Variants in CUX1 observed in about 807,000 individuals in gnomAD.
CUX1 encodes cut like homeobox 1, also known as protein CASP.
In CUX1, 31 loss-of-function variants were observed where a neutral mutation model predicts 158.8. The observed-to-expected ratio is 0.20, with a 90% CI of 0.15 to 0.26. The LOEUF (loss-of-function observed/expected upper bound fraction) is 0.26. Among genes scored for constraint, CUX1 ranks in the 10% least tolerant of loss-of-function variants. CUX1 has a pLI of 1.00. For missense variants in CUX1, 1,589 were observed against 2,014.6 expected (o/e 0.79, Z 4.04); for synonymous variants, 879 against 862.1 (o/e 1.02, Z -0.34).
intron 2 of CUX1, among the ~76,000 whole-genome samples, chr7:101,993,756 T>A (rs1432884016): frequency 6.6e-6 from 1 of 152,158 alleles, no homozygotes; most frequent in Non-Finnish European, 1.5e-5. Context: ...GCCTCTTCCA[T>A]CTAATGTCAG....
intron 2 of CUX1, among the ~76,000 whole-genome samples, chr7:102,010,069 T>C (rs1292927044): frequency 6.6e-6 from 1 of 152,068 alleles, no homozygotes; most frequent in African/African-American, 2.4e-5. Context: ...GCGGCCTCCC[T>C]TGCTGCCGGT....
chr7:102,212,649 C>T (rs529135191), intron 20 of CUX1, among the ~76,000 whole-genome samples: 1 of 152,080 alleles, frequency 6.6e-6, no homozygotes, highest in South Asian at 2.1e-4. Flanking sequence ...TCCTGTCACA[C>T]ACCACCCCCA....
At position 102,253,842 on chromosome 7, in the gene CUX1, G is replaced by T; in HGVS notation, c.*4800G>T. On this transcript the variant is annotated 3_prime_UTR_variant, in exon 24 of 24. Coordinates refer to ENST00000292535, the MANE Select transcript of CUX1 (RefSeq NM_181552.4). ...TGGGCTATTTGCTGTGGTACTTTAG[G>T]CTGGAGGTTTGGCTCCTGTGCTGCC... 1 of 985,742 alleles carries T rather than the reference G, an allele frequency of 1.0e-6. No homozygotes were observed. Among genetic ancestry groups the T allele is most frequent in the East Asian group, 1.1e-4 (1 of 8,812 alleles). 61.1% of individuals were successfully genotyped at this position (985,742 alleles called of 1,614,324 possible).
intron 8 of CUX1, among the ~76,000 whole-genome samples, chr7:102,128,378 C>T (rs941749883): frequency 4.6e-5 from 7 of 152,032 alleles, no homozygotes; most frequent in African/African-American, 4.8e-5. Flanking sequence ...GCCCCTCCCT[C>T]GGCCGCAGCA....
intron 22 of CUX1, 23 bp downstream of exon 22, chr7:102,234,263 G>A (rs1799304882): frequency 4.7e-6 from 7 of 1,491,372 alleles, no homozygotes; most frequent in Non-Finnish European, 5.4e-6. Flanking sequence ...GCCCCGCCCG[G>A]GCCGGCTGCG....
At chr7:101,866,695 G>A (rs947210086) in intron 1 of CUX1, among the ~76,000 whole-genome samples, 78 of 152,094 alleles carry the variant, frequency 5.1e-4, no homozygotes, top group African/African-American at 1.8e-3. Context: ...ATCATTCACC[G>A]TTGAGACAAT....
chr7:102,178,939 A>T (rs1190671880), intron 11 of CUX1, among the ~76,000 whole-genome samples: 2 of 152,208 alleles, frequency 1.3e-5, no homozygotes, highest in Admixed American at 1.3e-4. Flanking sequence ...ATCTCGGCTC[A>T]CTGCAGCCTC....
intron 8 of CUX1, among the ~76,000 whole-genome samples, chr7:102,133,941 C>T (rs1338906175): frequency 1.3e-5 from 2 of 152,278 alleles, no homozygotes; most frequent in Admixed American, 1.3e-4. Context: ...GTCACAAACG[C>T]TGTTTGGATT....
At chr7:102,150,435 C>T (rs897993207) in intron 8 of CUX1, among the ~76,000 whole-genome samples, 1 of 152,178 alleles carries the variant, frequency 6.6e-6, no homozygotes, top group Non-Finnish European at 1.5e-5. Flanking sequence ...GGATTACAGG[C>T]GTGAGCCACT....
chr7:102,179,974 A>G (rs1792850354), intron 11 of CUX1, among the ~76,000 whole-genome samples: 2 of 152,210 alleles, frequency 1.3e-5, no homozygotes, highest in Admixed American at 1.3e-4. Flanking sequence ...CTTTTCTGGT[A>G]TGAAGTAGTC....
intron 2 of CUX1, among the ~76,000 whole-genome samples, chr7:101,949,028 T>C (rs772577987): frequency 9.2e-5 from 14 of 152,176 alleles, no homozygotes; most frequent in Non-Finnish European, 1.9e-4. Context: ...CAAGTGGCAT[T>C]TTAATTTTAT....
intron 23 of CUX1, among the ~76,000 whole-genome samples, chr7:102,242,730 G>T (rs2132534425): frequency 6.6e-6 from 1 of 152,306 alleles, no homozygotes; most frequent in East Asian, 1.9e-4. Context: ...TCCCCCAACA[G>T]GCCTCAGCTG....
intron 1 of CUX1, chr7:101,822,578 TACAC>T (rs1340791193): frequency 2.6e-5 from 4 of 152,198 alleles, no homozygotes; most frequent in African/African-American, 9.7e-5. Context: ...ATTCGGGTAT[TACAC>T]AGTGAGGGTG....
chr7:101,951,673 A>AT (rs1402951849), intron 2 of CUX1, among the ~76,000 whole-genome samples: 3 of 151,454 alleles, frequency 2.0e-5, no homozygotes, highest in African/African-American at 4.8e-5. Flanking sequence ...ACCCTGGCTA[A>AT]TTTTTTTTTA....
intron 1 of CUX1, among the ~76,000 whole-genome samples, chr7:101,837,175 G>A (rs1233732978): frequency 1.3e-5 from 2 of 152,184 alleles, no homozygotes; most frequent in Non-Finnish European, 1.5e-5. Flanking sequence ...TTGAGAGTGT[G>A]AGGAGGACAT....
rs1563091927 is a variant in CUX1 at position 101,984,117 on chromosome 7, TATATATATATATACACACAC to T, written c.142-43979_142-43960del. On this transcript the variant is annotated intron_variant, in intron 2 of 23. Transcript: ENST00000292535. ...ATATATATATATATATATATATATA[TATATATATATATACACACAC>T]ACATATATATATGTGTGTGTGTGTG... Among the ~76,000 whole-genome samples, 81 of 47,142 alleles carry T rather than the reference TATATATATATATACACACAC, an allele frequency of 1.7e-3. 4 individuals are homozygous for T. The highest frequency in any genetic ancestry group is 5.2e-3 in the African/African-American group (70 of 13,560). The allele number at this position is 47,142 out of a possible 152,430, so 30.9% of individuals were successfully genotyped here.
intron 2 of CUX1, among the ~76,000 whole-genome samples, chr7:102,005,004 G>A (rs1443684143): frequency 6.6e-6 from 1 of 152,214 alleles, no homozygotes; most frequent in Non-Finnish European, 1.5e-5. Flanking sequence ...GGCTGGTTTT[G>A]GCCGGCTTGC....
At chr7:102,022,303 G>T (rs1033845079) in intron 2 of CUX1, among the ~76,000 whole-genome samples, 1 of 152,136 alleles carries the variant, frequency 6.6e-6, no homozygotes, top group Non-Finnish European at 1.5e-5. Context: ...AAACTGAGTT[G>T]TGAATCAGCA....
intron 9 of CUX1, among the ~76,000 whole-genome samples, chr7:102,163,209 C>A (rs1217351917): frequency 6.6e-6 from 1 of 152,088 alleles, no homozygotes; most frequent in East Asian, 1.9e-4. Flanking sequence ...CAGAGCCAGG[C>A]ATGGTGGCGG....
Sources: allele counts gnomAD v4.1 joint callset (sites outside exome capture counted in the v4.1 genomes callset), GRCh38; gene constraint gnomAD v4.1.1; transcripts MANE v1.5; gene names NCBI Gene and HGNC (gene_info 2026-07-23, HGNC 2026-07-21).